Variants in STIM1 observed in about 807,000 individuals in gnomAD.
STIM1 encodes stromal interaction molecule 1.
A neutral mutation model predicts 74.7 loss-of-function variants in STIM1; 25 were observed. The observed-to-expected ratio is 0.33, with a 90% CI of 0.24 to 0.47. STIM1 has a LOEUF of 0.47. Ranked by LOEUF, STIM1 falls within the 20% of genes least tolerant of loss-of-function variation. The probability of loss-of-function intolerance (pLI) is 1.00; values close to 1 mark genes in which losing one functional copy is unlikely to be tolerated. For synonymous variants in STIM1, 328 were observed against 348.8 expected, an observed-to-expected ratio of 0.94 and a Z score of 0.66; for missense variants, 728 against 920.8, an observed-to-expected ratio of 0.79 and a Z score of 2.71.
rs1212363207 is a variant in STIM1, at chr11:3,914,750, T to A, written c.140-52802T>A. On this transcript the variant is annotated intron_variant, in intron 1 of 12. Coordinates refer to ENST00000526596, the MANE Select transcript of STIM1 (RefSeq NM_001382567.1). The stretch of plus-strand genomic sequence containing the variant: ...CTACCGCCCCTGGCCTGTTTTCAAT[T>A]TTTGGGAGTGTATCATAGGAGTGGA... 2.0e-5 allele frequency among the ~76,000 whole-genome samples: 3 copies of A among 152,120 alleles called. 1 individual carries two copies. The highest frequency in any genetic ancestry group is 6.5e-5 in the Admixed American group (1 of 15,276).
intron 1 of STIM1, among the ~76,000 whole-genome samples, chr11:3,908,611 C>CAA (rs147380381): frequency 0.08 from 11,285 of 140,814 alleles, 726 homozygotes; most frequent in East Asian, 0.18. Flanking sequence ...GACTCCATCT[C>CAA]AAAAAAAAAA....
intron 1 of STIM1, chr11:3,868,366 A>G (rs1364435638): frequency 6.6e-6 from 1 of 152,224 alleles, no homozygotes; most frequent in Non-Finnish European, 1.5e-5. Context: ...TATAGCTCTC[A>G]TTTTACTGAT....
intron 1 of STIM1, among the ~76,000 whole-genome samples, chr11:3,925,264 G>A (rs1013368219): frequency 7.2e-5 from 11 of 152,072 alleles, no homozygotes; most frequent in Non-Finnish European, 1.5e-4. Flanking sequence ...GCATGGTGGC[G>A]CACGCCTGTA....
chr11:3,899,928 A>T (rs1041327695), intron 1 of STIM1, among the ~76,000 whole-genome samples: 1 of 152,042 alleles, frequency 6.6e-6, no homozygotes, highest in African/African-American at 2.4e-5. Flanking sequence ...CCAGTATTTT[A>T]TTGAGGATTT....
At chr11:3,927,100 C>G (rs975542778) in intron 1 of STIM1, among the ~76,000 whole-genome samples, 5 of 152,170 alleles carry the variant, frequency 3.3e-5, no homozygotes, top group Non-Finnish European at 1.5e-5. Flanking sequence ...ATGAAGAGCT[C>G]AATGAATGTT....
intron 7 of STIM1, among the ~76,000 whole-genome samples, chr11:4,081,540 C>T (rs2094465430): frequency 6.6e-6 from 1 of 152,338 alleles, no homozygotes; most frequent in African/African-American, 2.4e-5. Flanking sequence ...GGAGAGCATT[C>T]AGGACAATGC....
intron 1 of STIM1, among the ~76,000 whole-genome samples, chr11:3,932,383 C>T (rs1565119723): frequency 6.6e-6 from 1 of 152,206 alleles, no homozygotes; most frequent in Admixed American, 6.5e-5. Flanking sequence ...CCCCAGAGGG[C>T]TGGGTGTGGT....
intron 1 of STIM1, among the ~76,000 whole-genome samples, chr11:3,885,183 A>ATT (rs139230723): frequency 2.0e-5 from 3 of 147,318 alleles, no homozygotes; most frequent in African/African-American, 7.5e-5. Flanking sequence ...AACATAGATA[A>ATT]TTTTTTTTTT....
intron 2 of STIM1, among the ~76,000 whole-genome samples, chr11:3,978,596 A>C (rs1053612657): frequency 2.0e-5 from 3 of 151,688 alleles, no homozygotes; most frequent in Non-Finnish European, 2.9e-5. Context: ...CCCCGTCTCT[A>C]CTAAAAATAC....
At chr11:3,983,849 T>C (rs1195814511) in intron 2 of STIM1, among the ~76,000 whole-genome samples, 1 of 151,558 alleles carries the variant, frequency 6.6e-6, no homozygotes, top group African/African-American at 2.4e-5. Context: ...CTCTTTCTGC[T>C]CCTCCTCCTC....
intron 1 of STIM1, among the ~76,000 whole-genome samples, chr11:3,903,101 T>G (rs538160908): frequency 6.6e-6 from 1 of 152,328 alleles, no homozygotes; most frequent in East Asian, 1.9e-4. Context: ...TATTTAATCT[T>G]TGTACCAACC....
intron 1 of STIM1, among the ~76,000 whole-genome samples, chr11:3,879,048 C>T (rs561388870): frequency 3.4e-4 from 52 of 152,172 alleles, no homozygotes; most frequent in Middle Eastern, 6.8e-3. Flanking sequence ...CTCCGCCTCC[C>T]GGGTTCAAGC....
In STIM1 at chr11:4,092,118, C is replaced by T. The variant is rs901365013; in HGVS notation, c.*320C>T. 2.3e-5 allele frequency: 10 copies of T among 429,226 alleles called. No homozygotes were observed. The highest frequency in any genetic ancestry group is 2.2e-4 in the South Asian group (9 of 41,658). The allele number at this position is 429,226 out of a possible 1,614,324, so 26.6% of individuals were successfully genotyped here. A position where few individuals can be genotyped will look rare whatever the true frequency, so the allele number is the denominator to read the frequency against. ...CTCTGGGGTTCAGCTTCTGTCTCTG[C>T]TGTCCCAGTTTTGAGGTTTGGTTTC... is the stretch of plus-strand genomic sequence containing the variant. On this transcript the variant is annotated 3_prime_UTR_variant, in exon 13 of 13. Transcript: ENST00000526596.
At chr11:3,946,476 C>G (rs2093075318) in intron 1 of STIM1, among the ~76,000 whole-genome samples, 1 of 152,110 alleles carries the variant, frequency 6.6e-6, no homozygotes, top group Non-Finnish European at 1.5e-5. Context: ...TGGCCTAGGA[C>G]AAAGAAAGTA....
chr11:3,981,881 G>A (rs2093508358), intron 2 of STIM1, among the ~76,000 whole-genome samples: 1 of 152,172 alleles, frequency 6.6e-6, no homozygotes, highest in Admixed American at 6.5e-5. Flanking sequence ...ATGCCCAAAG[G>A]CTATGTAGTA....
intron 2 of STIM1, among the ~76,000 whole-genome samples, chr11:4,016,864 G>A (rs561895822): frequency 2.4e-4 from 36 of 152,316 alleles, no homozygotes; most frequent in African/African-American, 8.2e-4. Flanking sequence ...GTGTGTGTGG[G>A]ACCCGCCGAG....
chr11:4,092,179 C>T lies in STIM1; in HGVS notation c.*381C>T. ...CTCTTGCTTTCGGGCTCCTCCCTCC[C>T]ACCACTCCCCAACTTCCCCTAGCAG... On this transcript the variant is annotated 3_prime_UTR_variant, in exon 13 of 13. Coordinates refer to ENST00000526596, the MANE Select transcript of STIM1 (RefSeq NM_001382567.1). The T allele has an allele frequency of 3.0e-6, 1 of 334,290 alleles. No individual in the cohort carries two copies. Among genetic ancestry groups the T allele is most frequent in the Non-Finnish European group, 5.8e-6 (1 of 172,918 alleles). 20.7% of individuals were successfully genotyped at this position (334,290 alleles called of 1,614,324 possible).
At chr11:3,980,683 A>AACAACAACAAC (rs1217971514) in intron 2 of STIM1, among the ~76,000 whole-genome samples, 6 of 142,340 alleles carry the variant, frequency 4.2e-5, no homozygotes, top group African/African-American at 1.1e-4. Flanking sequence ...ACAACAACAA[A>AACAACAACAAC]AAAAAACAAA....
At chr11:4,050,630 C>T (rs1264653712) in intron 3 of STIM1, among the ~76,000 whole-genome samples, 2 of 151,952 alleles carry the variant, frequency 1.3e-5, no homozygotes, top group African/African-American at 4.8e-5. Flanking sequence ...ACATTATGTC[C>T]TAAAATTCCA....
Sources: gnomAD v4.1 joint callset for allele counts (sites outside exome capture counted in the v4.1 genomes callset) on GRCh38, gnomAD v4.1.1 for gene constraint, MANE v1.5 for transcripts, NCBI Gene and HGNC (gene_info 2026-07-23, HGNC 2026-07-21) for gene names.